The following TNIK variants were observed in gnomAD, a reference collection of about 807,000 sequenced individuals.
The protein encoded by TNIK is TRAF2 and NCK interacting kinase.
In TNIK, 49 loss-of-function variants were observed where a neutral mutation model predicts 191.3. That is an observed-to-expected ratio of 0.26 (90% CI 0.20 to 0.32). The LOEUF is 0.32. TNIK is among the 10% of genes least tolerant of loss of function. TNIK has a pLI of 1.00. For synonymous variants in TNIK, 594 were observed against 600.9 expected, an observed-to-expected ratio of 0.99 and a Z score of 0.17; for missense variants, 1,155 against 1,702.3, an observed-to-expected ratio of 0.68 and a Z score of 5.66.
intron 15 of TNIK, among the ~76,000 whole-genome samples, chr3:171,137,705 G>A (rs556072137): frequency 4.5e-4 from 69 of 152,308 alleles, no homozygotes; most frequent in African/African-American, 1.6e-3. Flanking sequence ...ACCACCACAA[G>A]TCTGAGGTCA....
chr3:171,105,536 T>C (rs937462474), intron 21 of TNIK, among the ~76,000 whole-genome samples: 2 of 152,190 alleles, frequency 1.3e-5, no homozygotes, highest in Non-Finnish European at 2.9e-5. Flanking sequence ...GAGATCAGGA[T>C]AGTCACCTGG....
intron 1 of TNIK, among the ~76,000 whole-genome samples, chr3:171,370,301 G>A (rs1184519431): frequency 6.6e-6 from 1 of 152,190 alleles, no homozygotes; most frequent in Non-Finnish European, 1.5e-5. Flanking sequence ...AGTACCTGCT[G>A]AGTAACTGCA....
chr3:171,441,189 A>G (rs79138576), intron 1 of TNIK, among the ~76,000 whole-genome samples: 3,914 of 152,228 alleles, frequency 0.026, 171 homozygotes, highest in African/African-American at 0.09. Flanking sequence ...TCTCAGGCAT[A>G]TTATACTTTA....
chr3:171,234,483 C>T (rs1361246700), intron 2 of TNIK, among the ~76,000 whole-genome samples: 1 of 152,206 alleles, frequency 6.6e-6, no homozygotes, highest in Non-Finnish European at 1.5e-5. Context: ...CTCAACACCA[C>T]TCACTGTGAA....
At chr3:171,324,634 A>G (rs1159251834) in intron 2 of TNIK, among the ~76,000 whole-genome samples, 1 of 152,124 alleles carries the variant, frequency 6.6e-6, no homozygotes, top group African/African-American at 2.4e-5. Context: ...AAAAGGTTCT[A>G]TTATTCACCA....
intron 2 of TNIK, among the ~76,000 whole-genome samples, chr3:171,274,173 G>T (rs911754626): frequency 6.6e-6 from 1 of 152,180 alleles, no homozygotes; most frequent in South Asian, 2.1e-4. Context: ...CAAGGAAAAC[G>T]CTTAACAAAG....
chr3:171,308,410 C>CA (rs1038790915), intron 2 of TNIK, among the ~76,000 whole-genome samples: 1 of 152,012 alleles, frequency 6.6e-6, no homozygotes, highest in African/African-American at 2.4e-5. Context: ...AAAATCAACT[C>CA]AAAAATGCAT....
intron 4 of TNIK, among the ~76,000 whole-genome samples, chr3:171,197,655 G>C (rs1032223416): frequency 4.6e-5 from 7 of 152,150 alleles, no homozygotes; most frequent in African/African-American, 1.2e-4. Context: ...ATGTAGAAAG[G>C]CTTGATGTCA....
chr3:171,361,382 A>G (rs897820447), intron 2 of TNIK, among the ~76,000 whole-genome samples: 4 of 152,312 alleles, frequency 2.6e-5, no homozygotes, highest in African/African-American at 9.6e-5. Context: ...TAGTAGAGCA[A>G]TCGACCCACC....
intron 2 of TNIK, among the ~76,000 whole-genome samples, chr3:171,348,601 TATA>T (rs1418193403): frequency 3.3e-5 from 5 of 152,236 alleles, no homozygotes; most frequent in African/African-American, 1.2e-4. Context: ...TGTTTTAACA[TATA>T]ATATTTGTCT....
At chr3:171,335,475 CTA>C (rs1165336509) in intron 2 of TNIK, among the ~76,000 whole-genome samples, 4 of 152,166 alleles carry the variant, frequency 2.6e-5, no homozygotes. Flanking sequence ...TTCTCCATCC[CTA>C]TAGTTTTGCC....
chr3:171,107,471 A>T (rs1426437490), intron 20 of TNIK, among the ~76,000 whole-genome samples: 2 of 152,204 alleles, frequency 1.3e-5, no homozygotes, highest in Non-Finnish European at 2.9e-5. Flanking sequence ...AAATAGAAAA[A>T]ATGGATAGTA....
chr3:171,246,742 C>T (rs1745636869), intron 2 of TNIK, among the ~76,000 whole-genome samples: 1 of 152,122 alleles, frequency 6.6e-6, no homozygotes, highest in Non-Finnish European at 1.5e-5. Flanking sequence ...TATTATTTCT[C>T]AAAATGGAGT....
At chr3:171,214,963 A>G (rs976218795) in intron 3 of TNIK, among the ~76,000 whole-genome samples, 3 of 152,132 alleles carry the variant, frequency 2.0e-5, no homozygotes, top group African/African-American at 4.8e-5. Flanking sequence ...TGAAAAAGAA[A>G]ATGGCCATGA....
intron 7 of TNIK, among the ~76,000 whole-genome samples, chr3:171,178,510 T>C (rs932632199): frequency 6.6e-6 from 1 of 152,392 alleles, no homozygotes; most frequent in Non-Finnish European, 1.5e-5. Context: ...CAGAATTTTC[T>C]AGGCTAATGC....
chr3:171,428,500 G>A (rs1055361686), intron 1 of TNIK, among the ~76,000 whole-genome samples: 1 of 151,866 alleles, frequency 6.6e-6, no homozygotes, highest in African/African-American at 2.4e-5. Flanking sequence ...CTCACTTTAA[G>A]AAAAGAAAGC....
chr3:171,089,782 C>T (rs912960696), intron 23 of TNIK, among the ~76,000 whole-genome samples: 3 of 152,178 alleles, frequency 2.0e-5, no homozygotes, highest in East Asian at 1.9e-4. Flanking sequence ...TCACCATTCC[C>T]GTGGGGATTG....
chr3:171,267,482 T>C (rs978350178), intron 2 of TNIK, among the ~76,000 whole-genome samples: 5 of 152,222 alleles, frequency 3.3e-5, no homozygotes, highest in Non-Finnish European at 1.5e-5. Context: ...GTCTGATTTA[T>C]CCTTCTCTCC....
At chr3:171,201,720 A>G (rs67616801) in intron 4 of TNIK, among the ~76,000 whole-genome samples, 41,283 of 152,150 alleles carry the variant, frequency 0.27, 5,891 homozygotes, top group East Asian at 0.5. Flanking sequence ...ATTTCAATCA[A>G]TTGAAGTAAA....
Sources: allele counts gnomAD v4.1 joint callset (sites outside exome capture counted in the v4.1 genomes callset), GRCh38; gene constraint gnomAD v4.1.1; transcripts MANE v1.5; gene names NCBI Gene and HGNC (gene_info 2026-07-23, HGNC 2026-07-21).